HMGB1: variants seen among roughly 807,000 people sequenced by gnomAD.
HMGB1 encodes the protein high mobility group protein B1.
For missense variants in HMGB1, 79 were observed against 253.5 expected (o/e 0.31, Z 4.67); for synonymous variants, 81 against 84.0 (o/e 0.96, Z 0.19).
At chr13:30,573,415 TG>T (rs1382740315) in intron 1 of HMGB1, among the ~76,000 whole-genome samples, 1 of 152,244 alleles carries the variant, frequency 6.6e-6, no homozygotes. Context: ...CTTTTTAATG[TG>T]AAAAAAATGA....
chr13:30,496,555 G>C (rs183808609), intron 1 of HMGB1, among the ~76,000 whole-genome samples: 1 of 152,294 alleles, frequency 6.6e-6, no homozygotes, highest in Admixed American at 6.5e-5. Context: ...ACCTAAAAGC[G>C]TATAGGGGAA....
upstream of HMGB1, among the ~76,000 whole-genome samples, chr13:30,467,192 G>A (rs1425694945): frequency 6.6e-6 from 1 of 152,102 alleles, no homozygotes; most frequent in East Asian, 1.9e-4. Context: ...AGCAGACCAC[G>A]CCCCTATTCA....
chr13:30,554,148 G>A (rs1280791744), intron 1 of HMGB1: 17 of 1,311,250 alleles, frequency 1.3e-5, no homozygotes, highest in Middle Eastern at 2.1e-4. Context: ...CATCTACTAC[G>A]ATTAGAAAAT....
chr13:30,504,458 A>T (rs1254875398), intron 1 of HMGB1, among the ~76,000 whole-genome samples: 1 of 152,098 alleles, frequency 6.6e-6, no homozygotes, highest in Non-Finnish European at 1.5e-5. Flanking sequence ...TCCCCCCAAC[A>T]GTTCTCTGGT....
At chr13:30,489,767 C>T (rs1479120037) in intron 1 of HMGB1, among the ~76,000 whole-genome samples, 2 of 147,950 alleles carry the variant, frequency 1.4e-5, no homozygotes, top group African/African-American at 5.0e-5. Context: ...CGGAGTCTCG[C>T]TCTGTCGCCC....
intron 1 of HMGB1, among the ~76,000 whole-genome samples, chr13:30,507,177 C>T (rs1357624411): frequency 6.6e-6 from 1 of 152,184 alleles, no homozygotes; most frequent in Non-Finnish European, 1.5e-5. Flanking sequence ...AATGCCTTAA[C>T]CCTCCACTAA....
In HMGB1 at chr13:30,484,027, A is replaced by G. The variant is rs147089734; in HGVS notation, c.-14-20333T>C. ...GCCACTGGGAGGTCCTGGGATGGTCATGCTCTCTCAGGCCTTGATGTCTTT... is the reference window on the plus strand; with the variant it reads ...GCCACTGGGAGGTCCTGGGATGGTCGTGCTCTCTCAGGCCTTGATGTCTTT... On this transcript the variant is annotated intron_variant, in intron 1 of 4. Coordinates refer to the HMGB1 transcript ENST00000405805. Among the ~76,000 whole-genome samples, 1,397 of 152,232 alleles carry G rather than the reference A, an allele frequency of 9.2e-3. 9 individuals are homozygous for G. The highest frequency in any genetic ancestry group is 0.037 in the Middle Eastern group (11 of 294).
intron 1 of HMGB1, among the ~76,000 whole-genome samples, chr13:30,600,835 T>A (rs1336870662): frequency 2.6e-5 from 4 of 152,194 alleles, no homozygotes; most frequent in Non-Finnish European, 5.9e-5. Context: ...TAATCCCATT[T>A]TACAGAAGAA....
intron 1 of HMGB1, among the ~76,000 whole-genome samples, chr13:30,573,363 A>G (rs1870513036): frequency 6.6e-6 from 1 of 152,222 alleles, no homozygotes; most frequent in Admixed American, 6.5e-5. Context: ...TCTCCATAAT[A>G]AATTCTTTAT....
chr13:30,495,480 CTTTTTTT>C (rs68170969), intron 1 of HMGB1, among the ~76,000 whole-genome samples: 6 of 134,492 alleles, frequency 4.5e-5, no homozygotes, highest in African/African-American at 1.3e-4. Flanking sequence ...TTTTTCTTTT[CTTTTTTT>C]TTTTTTTTGG....
In HMGB1 at chr13:30,518,694, T is replaced by C. The variant is rs185185227; in HGVS notation, c.-14-55000A>G. Among the ~76,000 whole-genome samples, 74 of 152,106 alleles carry C rather than the reference T, an allele frequency of 4.9e-4. No individual in the cohort carries two copies. In the Middle Eastern group the frequency reaches 0.014, roughly 28 times the overall value. On this transcript the variant is annotated intron_variant, in intron 1 of 4. Coordinates refer to the HMGB1 transcript ENST00000405805. Reference sequence around the variant, plus strand: ...GGGAGCAATAGATAGCACACAGCTCTTAACATTCATAGAAACCTTTTTTTT... The same window carrying C: ...GGGAGCAATAGATAGCACACAGCTCCTAACATTCATAGAAACCTTTTTTTT...
intron 1 of HMGB1, among the ~76,000 whole-genome samples, chr13:30,537,956 C>A (rs536261296): frequency 2.0e-5 from 3 of 151,966 alleles, no homozygotes; most frequent in Non-Finnish European, 4.4e-5. Context: ...CATCAAGTTT[C>A]CTTTATCATC....
chr13:30,568,743 G>A (rs1230579182), intron 1 of HMGB1, among the ~76,000 whole-genome samples: 5 of 152,108 alleles, frequency 3.3e-5, no homozygotes, highest in African/African-American at 1.2e-4. Flanking sequence ...AGATGCATGG[G>A]ATGATTTCTC....
At chr13:30,508,377 G>T (rs1887916562) in intron 1 of HMGB1, among the ~76,000 whole-genome samples, 1 of 151,868 alleles carries the variant, frequency 6.6e-6, no homozygotes. Context: ...CTGGGCGTGG[G>T]GGTGTATGCC....
chr13:30,500,816 C>T (rs769670255), intron 1 of HMGB1, among the ~76,000 whole-genome samples: 1 of 151,046 alleles, frequency 6.6e-6, no homozygotes, highest in South Asian at 2.1e-4. Context: ...CTCCACCTCC[C>T]GGGTTCAAGG....
At chr13:30,501,346 CTAGTTTAGTT>C (rs535688430) in intron 1 of HMGB1, among the ~76,000 whole-genome samples, 2 of 152,042 alleles carry the variant, frequency 1.3e-5, no homozygotes, top group African/African-American at 2.4e-5. Context: ...CTGTGTACAT[CTAGTTTAGTT>C]TAGTTTAGTT....
chr13:30,560,196 G>A (rs768636295), intron 1 of HMGB1, among the ~76,000 whole-genome samples: 64 of 152,274 alleles, frequency 4.2e-4, no homozygotes, highest in Non-Finnish European at 8.8e-4. Context: ...GAGGCTGCAA[G>A]GGAAAAAGCT....
At chr13:30,602,039 C>A (rs1232925807) in intron 1 of HMGB1, among the ~76,000 whole-genome samples, 1 of 152,108 alleles carries the variant, frequency 6.6e-6, no homozygotes, top group Admixed American at 6.5e-5. Flanking sequence ...ACAGGACGTG[C>A]ACATGTACGA....
chr13:30,535,213 A>C (rs1315010191), intron 1 of HMGB1, among the ~76,000 whole-genome samples: 1 of 152,236 alleles, frequency 6.6e-6, no homozygotes, highest in Non-Finnish European at 1.5e-5. Flanking sequence ...AGCCAGCAGC[A>C]CTTGATGGAG....
Sources: allele counts gnomAD v4.1 joint callset (sites outside exome capture counted in the v4.1 genomes callset), GRCh38; gene constraint gnomAD v4.1.1; transcripts MANE v1.5; gene names NCBI Gene and HGNC (gene_info 2026-07-23, HGNC 2026-07-21).